MAP4: variants seen among roughly 807,000 people sequenced by gnomAD.
MAP4 encodes microtubule associated protein 4, also known as microtubule-associated protein 4.
In MAP4, 76 loss-of-function variants were observed where a neutral mutation model predicts 170.2. The observed-to-expected ratio is 0.45, with a 90% CI of 0.37 to 0.54. The LOEUF (loss-of-function observed/expected upper bound fraction) is 0.54. Among genes scored for constraint, MAP4 ranks in the 20% least tolerant of loss-of-function variants. The pLI, the probability that MAP4 is intolerant of heterozygous loss-of-function variation, is 0.00. For missense variants in MAP4, 2,506 were observed against 2,748.0 expected, an observed-to-expected ratio of 0.91 and a Z score of 1.97; for synonymous variants, 909 against 994.5, an observed-to-expected ratio of 0.91 and a Z score of 1.62.
chr3:48,017,487 T>A (rs977755589), upstream of MAP4, among the ~76,000 whole-genome samples: 1 of 133,422 alleles, frequency 7.5e-6, no homozygotes, highest in East Asian at 1.9e-4. Flanking sequence ...CTTTTTTCTT[T>A]TTTTTTTTTT....
chr3:47,853,435 C>G, intron 19 of MAP4, 83 bp from the exon 20 acceptor site: 1 of 971,060 alleles, frequency 1.0e-6, no homozygotes, highest in Non-Finnish European at 1.5e-6. Flanking sequence ...GTTTCACACA[C>G]AGCCCCCACC....
chr3:47,939,578 AT>A (rs2100055012), intron 3 of MAP4, among the ~76,000 whole-genome samples: 1 of 152,120 alleles, frequency 6.6e-6, no homozygotes, highest in Non-Finnish European at 1.5e-5. Context: ...TGGTGACATA[AT>A]GTTTTTTTTT....
At chr3:47,888,588 G>A (rs1006282785) in intron 10 of MAP4, among the ~76,000 whole-genome samples, 1 of 152,032 alleles carries the variant, frequency 6.6e-6, no homozygotes, top group African/African-American at 2.4e-5. Context: ...CATCAGAAGG[G>A]ACAGACTCCA....
chr3:47,891,657 A>C (rs777487819), intron 10 of MAP4: 12 of 1,535,958 alleles, frequency 7.8e-6, no homozygotes, highest in Non-Finnish European at 9.6e-6. Context: ...GTAGAACTCA[A>C]TTTCTCCAAC....
intron 2 of MAP4, chr3:47,987,536 T>C (rs1230127884): frequency 2.8e-6 from 2 of 712,254 alleles, no homozygotes; most frequent in Non-Finnish European, 4.4e-6. Context: ...AAGCTTTATA[T>C]AACATCAACC....
upstream of MAP4, among the ~76,000 whole-genome samples, chr3:48,019,259 T>C (rs541022321): frequency 4.6e-5 from 7 of 152,210 alleles, no homozygotes; most frequent in African/African-American, 7.2e-5. Context: ...GTAGGATTCC[T>C]TGAGCCCAGG....
chr3:47,914,901 C>T lies in MAP4; in HGVS notation c.1915G>A (p.Ala639Thr). Residue 639 changes from alanine to threonine, a missense_variant, in exon 8 of 21, where the codon GCC becomes ACC. Transcript: ENST00000683076. The stretch of plus-strand genomic sequence containing the variant: ...TTTTCTAACACAGAATCCTCCTCGG[C>T]CGGCAAGCTGCACTTTTTCCCCGTT... ...TGTGKKCSLPAEEDSVLEKLG... is the reference protein window; with the variant it reads ...TGTGKKCSLPTEEDSVLEKLG... 1 of 1,614,112 alleles carries T rather than the reference C, an allele frequency of 6.2e-7. No individual in the cohort carries two copies. The highest frequency in any genetic ancestry group is 8.5e-7 in the Non-Finnish European group (1 of 1,180,020).
At chr3:48,021,266 T>C (rs2100110417), upstream of MAP4, among the ~76,000 whole-genome samples, 2 of 152,208 alleles carry the variant, frequency 1.3e-5, no homozygotes. Flanking sequence ...AGGAAAAACC[T>C]ATAAGGTTTT....
At chr3:48,045,385 C>A (rs559586643) in intron 1 of MAP4, among the ~76,000 whole-genome samples, 2 of 152,060 alleles carry the variant, frequency 1.3e-5, no homozygotes, top group African/African-American at 4.8e-5. Flanking sequence ...GAAGGGCAGG[C>A]GAGCATCTCT....
intron 3 of MAP4, among the ~76,000 whole-genome samples, chr3:47,938,924 G>A (rs1029780548): frequency 2.6e-5 from 4 of 152,252 alleles, no homozygotes; most frequent in Admixed American, 6.5e-5. Context: ...ACATTATTAC[G>A]GCAAATGTTA....
chr3:47,881,508 T>C (rs2096766012), intron 10 of MAP4, among the ~76,000 whole-genome samples: 1 of 116,958 alleles, frequency 8.6e-6, no homozygotes, highest in East Asian at 2.7e-4. Flanking sequence ...GCATAATCAT[T>C]ATATATAGCT....
At chr3:47,897,812 G>C (rs1559959210) in intron 10 of MAP4, among the ~76,000 whole-genome samples, 1 of 151,494 alleles carries the variant, frequency 6.6e-6, no homozygotes, top group Non-Finnish European at 1.5e-5. Context: ...TGTGGTGGCA[G>C]GTACCTGTAA....
intron 3 of MAP4, among the ~76,000 whole-genome samples, chr3:47,950,342 G>T (rs1021121291): frequency 6.6e-6 from 1 of 152,146 alleles, no homozygotes; most frequent in African/African-American, 2.4e-5. Flanking sequence ...CTCAGAGGAC[G>T]GACTTAAAAA....
chr3:47,868,838 T>C (rs578177774), intron 16 of MAP4, among the ~76,000 whole-genome samples: 2 of 152,090 alleles, frequency 1.3e-5, no homozygotes, highest in Non-Finnish European at 2.9e-5. Flanking sequence ...TTCCAGGTGG[T>C]GGAAATTACC....
chr3:48,066,288 T>C (rs1202059137), intron 1 of MAP4, among the ~76,000 whole-genome samples: 1 of 152,166 alleles, frequency 6.6e-6, no homozygotes, highest in East Asian at 1.9e-4. Flanking sequence ...TATCTTACTT[T>C]AACATGAGGA....
At chr3:47,964,283 T>A (rs960656942) in intron 3 of MAP4, among the ~76,000 whole-genome samples, 1 of 152,164 alleles carries the variant, frequency 6.6e-6, no homozygotes, top group African/African-American at 2.4e-5. Flanking sequence ...GGGAAGTTAT[T>A]ACAGTAGCCA....
intron 10 of MAP4, chr3:47,877,738 G>A: frequency 2.5e-6 from 1 of 406,314 alleles, no homozygotes; most frequent in Non-Finnish European, 4.4e-6. Flanking sequence ...CTGACCCTGT[G>A]GAGAAGCAGT....
At chr3:47,988,970 C>T (rs143818281) in intron 2 of MAP4, among the ~76,000 whole-genome samples, 328 of 152,260 alleles carry the variant, frequency 2.2e-3, no homozygotes, top group African/African-American at 7.7e-3. Flanking sequence ...ACCACCACGC[C>T]TGGCTAATTT....
chr3:47,958,566 G>A (rs1198875815), intron 3 of MAP4, among the ~76,000 whole-genome samples: 1 of 152,048 alleles, frequency 6.6e-6, no homozygotes, highest in East Asian at 1.9e-4. Context: ...GCCCAGGCTG[G>A]AGTGCAGTGG....
Sources: gnomAD v4.1 joint callset for allele counts (sites outside exome capture counted in the v4.1 genomes callset) on GRCh38, gnomAD v4.1.1 for gene constraint, MANE v1.5 for transcripts, NCBI Gene and HGNC (gene_info 2026-07-23, HGNC 2026-07-21) for gene names.